POLR3E: variants seen among roughly 807,000 people sequenced by gnomAD.
POLR3E encodes the protein RNA polymerase III subunit E, also known as DNA-directed RNA polymerase III subunit RPC5.
POLR3E carries 41 observed loss-of-function variants against 96.6 expected under a neutral mutation model. The ratio of observed to expected loss-of-function variants is 0.42; its 90% confidence interval spans 0.33 to 0.55. The LOEUF (loss-of-function observed/expected upper bound fraction) is 0.55, where lower values mean the gene tolerates loss of function less well. Ranked by LOEUF, POLR3E falls within the 20% of genes least tolerant of loss-of-function variation. The probability of loss-of-function intolerance (pLI) is 0.06; values close to 1 mark genes in which losing one functional copy is unlikely to be tolerated. For missense variants in POLR3E, 849 were observed against 952.1 expected, an observed-to-expected ratio of 0.89 and a Z score of 1.43; for synonymous variants, 396 against 383.6, an observed-to-expected ratio of 1.03 and a Z score of -0.38.
At position 22,322,980 on chromosome 16, in the gene POLR3E, G is replaced by C. The variant is rs771466308; in HGVS notation, c.1068+49G>C. 4.5e-6 allele frequency: 6 copies of C among 1,332,126 alleles called. No individual in the cohort carries two copies. Among genetic ancestry groups the C allele is most frequent in the South Asian group, 3.6e-5 (3 of 82,410 alleles). The allele number at this position is 1,332,126 out of a possible 1,614,324, so 82.5% of individuals were successfully genotyped here. A position where few individuals can be genotyped will look rare whatever the true frequency, so the allele number is the denominator to read the frequency against. Reference sequence around the variant, plus strand: ...CTCACGGTGGGGGCGTGGGAAGAGGGGGGCAGCGGTGCAGGGCTTCTGAAG... The same window carrying C: ...CTCACGGTGGGGGCGTGGGAAGAGGCGGGCAGCGGTGCAGGGCTTCTGAAG... On this transcript the variant is annotated intron_variant, in intron 14 of 20. Transcript: ENST00000299853. This position sits in a 1 kb window ranked among gnomAD's most constrained non-coding sequence, Gnocchi z 5.2.
At position 22,313,998 on chromosome 16, in the gene POLR3E, A is replaced by C. The variant is rs2048302097; in HGVS notation, c.473-81A>C. 1 of 1,272,640 alleles carries C rather than the reference A, an allele frequency of 7.9e-7. No homozygotes were observed. The highest frequency in any genetic ancestry group is 1.1e-6 in the Non-Finnish European group (1 of 870,902). 78.8% of individuals were successfully genotyped at this position (1,272,640 alleles called of 1,614,324 possible). A position where few individuals can be genotyped will look rare whatever the true frequency, so the allele number is the denominator to read the frequency against. ...GGAGAACTCCCAGCACCCCGGCCTG[A>C]GGCTTCCCTGGCGGGTGGGGTTGAG... On this transcript the variant is annotated intron_variant, in intron 7 of 20. Transcript: ENST00000299853. This position sits in a 1 kb window ranked among gnomAD's most constrained non-coding sequence, Gnocchi z 4.1.
chr16:22,326,508 A>G, intron 18 of POLR3E: 1 of 585,738 alleles, frequency 1.7e-6, no homozygotes, highest in Non-Finnish European at 3.1e-6. Context: ...CGGTGTCTGA[A>G]GGCCCGGCCT....
intron 2 of POLR3E, among the ~76,000 whole-genome samples, chr16:22,304,639 G>C (rs2048097286): frequency 6.6e-6 from 1 of 152,136 alleles, no homozygotes; most frequent in African/African-American, 2.4e-5. Flanking sequence ...GAGTTAGGAA[G>C]CAGGAAGGTA....
chr16:22,298,577 T>C (rs761912543), intron 1 of POLR3E, among the ~76,000 whole-genome samples: 6 of 152,096 alleles, frequency 3.9e-5, no homozygotes, highest in Non-Finnish European at 7.4e-5. Context: ...ACCTGCACAG[T>C]TTTGTTCTCG....
chr16:22,315,957 G>T (rs887265748), intron 9 of POLR3E, among the ~76,000 whole-genome samples: 1 of 152,022 alleles, frequency 6.6e-6, no homozygotes, highest in Admixed American at 6.6e-5. Flanking sequence ...CGTGAGCCAC[G>T]ACCACCTGGC....
intron 18 of POLR3E, 28 bp downstream of exon 18, chr16:22,326,306 AT>A: frequency 2.4e-6 from 1 of 411,196 alleles, no homozygotes; most frequent in Admixed American, 2.8e-5. Context: ...TGCCAGGGGC[AT>A]GGGGGGTGGG....
At chr16:22,300,753 T>G (rs899806040) in intron 1 of POLR3E, among the ~76,000 whole-genome samples, 1 of 152,226 alleles carries the variant, frequency 6.6e-6, no homozygotes, top group African/African-American at 2.4e-5. Context: ...GATAGCTGTT[T>G]CCCTGAAGTT....
At chr16:22,328,063 G>A (rs950946572) in intron 18 of POLR3E, 1 of 170,842 alleles carries the variant, frequency 5.9e-6, no homozygotes, top group Admixed American at 5.9e-5. Context: ...GTACATGTGG[G>A]AAGCAGTTGA....
intron 20 of POLR3E, among the ~76,000 whole-genome samples, chr16:22,332,489 C>G (rs1187254768): frequency 1.3e-5 from 2 of 152,126 alleles, no homozygotes; most frequent in Non-Finnish European, 2.9e-5. Context: ...CCCCTTTCAT[C>G]CCTCTTCTCT....
chr16:22,298,302 T>C (rs933581593), intron 1 of POLR3E, among the ~76,000 whole-genome samples: 6 of 152,210 alleles, frequency 3.9e-5, no homozygotes, highest in African/African-American at 1.4e-4. Context: ...GACGGCTCAG[T>C]AGAAACCGGG....
rs370651948 is a variant in POLR3E, at chr16:22,308,970, C to A, written c.211C>A (p.Arg71Ser). ...AIDTLNPNYCRSKGEQIALNV... is the reference protein window; with the variant it reads ...AIDTLNPNYCSSKGEQIALNV... ...CGACACCCTGAACCCCAACTATTGC[C>A]GCAGCAAAGGGGAGCAGATTGCGCT... is the stretch of plus-strand genomic sequence containing the variant. Residue 71 changes from arginine (R) to serine (S), a missense_variant, in exon 5 of 21, where the codon CGC (arginine) becomes AGC (serine). Arg to Ser is a moderately radical substitution (Grantham distance 110). Coordinates refer to ENST00000299853, the MANE Select transcript of POLR3E (RefSeq NM_018119.4). 8 of 1,614,016 alleles carry A rather than the reference C, an allele frequency of 5.0e-6. No homozygotes were observed. The highest frequency in any genetic ancestry group is 5.9e-6 in the Non-Finnish European group (7 of 1,179,930).
chr16:22,333,989 AAG>A lies in POLR3E; in HGVS notation c.*294_*295del, dbSNP rs1258809829. 17 of 365,152 alleles carry A rather than the reference AAG, an allele frequency of 4.7e-5. No individual in the cohort carries two copies. The South Asian group carries it at 6.1e-4, about 13-fold the overall frequency. The allele number at this position is 365,152 out of a possible 1,614,324, so 22.6% of individuals were successfully genotyped here. ...ATTATTTGGTTTCATTCTCATAATA[AAG>A]AGAGTGTATACTGACATGGGCAGGA... On this transcript the variant is annotated 3_prime_UTR_variant, in exon 21 of 21. Transcript: ENST00000299853.
intron 6 of POLR3E, among the ~76,000 whole-genome samples, chr16:22,310,695 G>A (rs1264016269): frequency 6.6e-6 from 1 of 151,542 alleles, no homozygotes; most frequent in Non-Finnish European, 1.5e-5. Context: ...CAGTGCTTTG[G>A]GAGGCCGAGG....
intron 20 of POLR3E, among the ~76,000 whole-genome samples, chr16:22,333,399 C>A (rs1219040851): frequency 6.6e-6 from 1 of 150,870 alleles, no homozygotes; most frequent in Non-Finnish European, 1.5e-5. Context: ...CTGCAGTGAG[C>A]CAAGATCATG....
chr16:22,324,829 G>A (rs942221551), intron 16 of POLR3E, among the ~76,000 whole-genome samples, 169 bp downstream of exon 16: 2 of 152,188 alleles, frequency 1.3e-5, no homozygotes, highest in East Asian at 2.0e-4. Context: ...CAGGCCCCAC[G>A]CTCCTCACCC....
chr16:22,305,297 C>T lies in POLR3E; in HGVS notation c.87+91C>T, dbSNP rs1474310999. ...ACACGGGCAGGAAACGATGGGAAAC[C>T]TCAGCTAGGGTTCTCGGTGTGGAGA... On this transcript the variant is annotated intron_variant, in intron 3 of 20. Coordinates refer to ENST00000299853, the MANE Select transcript of POLR3E (RefSeq NM_018119.4). 6.5e-6 allele frequency: 6 copies of T among 929,890 alleles called. No homozygotes were observed. In the African/African-American group the frequency reaches 9.7e-5, roughly 15 times the overall value. The allele number at this position is 929,890 out of a possible 1,614,324, so 57.6% of individuals were successfully genotyped here.
At position 22,300,126 on chromosome 16, in the gene POLR3E, G is replaced by C. The variant is rs2047992745; in HGVS notation, c.-39+2589G>C. Among the ~76,000 whole-genome samples, 4 of 152,190 alleles carry C rather than the reference G, an allele frequency of 2.6e-5. No individual in the cohort carries two copies. The South Asian group carries it at 8.3e-4, about 31-fold the overall frequency. On this transcript the variant is annotated intron_variant, in intron 1 of 20. Coordinates refer to ENST00000299853, the MANE Select transcript of POLR3E (RefSeq NM_018119.4). ...TCACATTGCAGGTTAAAATTTATTA[G>C]TGGGAAGTAAAATCAATTTAAGGGA...
At position 22,333,767 on chromosome 16, in the gene POLR3E, G is replaced by C; in HGVS notation, c.*67G>C. Reference sequence around the variant, plus strand: ...GAAGAAGGGCGGAACCAGAAGTAGGGCCTCGACTTGCTTCAGACGACACAG... The same window carrying C: ...GAAGAAGGGCGGAACCAGAAGTAGGCCCTCGACTTGCTTCAGACGACACAG... On this transcript the variant is annotated 3_prime_UTR_variant, in exon 21 of 21. Coordinates refer to ENST00000299853, the MANE Select transcript of POLR3E (RefSeq NM_018119.4). 9.4e-7 allele frequency: 1 copy of C among 1,062,888 alleles called. No homozygotes were observed. The highest frequency in any genetic ancestry group is 1.5e-6 in the Non-Finnish European group (1 of 677,432). 65.8% of individuals were successfully genotyped at this position (1,062,888 alleles called of 1,614,324 possible).
intron 1 of POLR3E, among the ~76,000 whole-genome samples, chr16:22,301,336 C>T (rs1285546296): frequency 6.6e-6 from 1 of 152,054 alleles, no homozygotes; most frequent in Non-Finnish European, 1.5e-5. Context: ...AATCCCAGCA[C>T]TTTGGGAGGC....
Sources: allele counts gnomAD v4.1 joint callset (sites outside exome capture counted in the v4.1 genomes callset), GRCh38; gene constraint gnomAD v4.1.1; non-coding constraint Gnocchi (gnomAD v3.1); transcripts MANE v1.5; gene names NCBI Gene and HGNC (gene_info 2026-07-23, HGNC 2026-07-21).